POLR3G: variants seen among roughly 807,000 people sequenced by gnomAD.
POLR3G encodes RNA polymerase III subunit G, also known as DNA-directed RNA polymerase III subunit RPC7.
POLR3G carries 28 observed loss-of-function variants against 30.1 expected under a neutral mutation model. That is an observed-to-expected ratio of 0.93 (90% CI 0.69 to 1.27). The LOEUF (loss-of-function observed/expected upper bound fraction) is 1.27, where lower values mean the gene tolerates loss of function less well. Among genes scored for constraint, POLR3G ranks in the 50% most tolerant of loss-of-function variants. The probability of loss-of-function intolerance (pLI) is 0.00; values close to 1 mark genes in which losing one functional copy is unlikely to be tolerated. For synonymous variants in POLR3G, 79 were observed against 82.5 expected (o/e 0.96, Z 0.23); for missense variants, 254 against 264.6 (o/e 0.96, Z 0.28).
intron 2 of POLR3G, among the ~76,000 whole-genome samples, chr5:90,486,366 A>G (rs1454081981): frequency 6.6e-6 from 1 of 152,206 alleles, no homozygotes; most frequent in Non-Finnish European, 1.5e-5. Flanking sequence ...TTTAAAAACA[A>G]GCTCTTTTCC....
At chr5:90,476,813 C>T (rs1023078245) in intron 1 of POLR3G, among the ~76,000 whole-genome samples, 3 of 152,196 alleles carry the variant, frequency 2.0e-5, no homozygotes, top group Non-Finnish European at 2.9e-5. Flanking sequence ...GGCTTATGCT[C>T]AGGTATCACC....
At chr5:90,475,490 T>TTA (rs1399873377) in intron 1 of POLR3G, among the ~76,000 whole-genome samples, 2 of 19,282 alleles carry the variant, frequency 1.0e-4, no homozygotes, top group Non-Finnish European at 2.1e-4. Flanking sequence ...TTTATTATTA[T>TTA]TTATTTATTT....
At chr5:90,473,935 G>A, upstream of POLR3G, 6 of 1,604,922 alleles carry the variant, frequency 3.7e-6, no homozygotes, top group South Asian at 1.1e-5. Flanking sequence ...CTATCGGAAA[G>A]CCAGGTCACG....
chr5:90,501,950 CCACT>C lies in POLR3G; in HGVS notation c.405_408del (p.Thr136IlefsTer6). 1.2e-6 allele frequency: 2 copies of C among 1,613,472 alleles called. No individual in the cohort carries two copies. Among genetic ancestry groups the C allele is most frequent in the Non-Finnish European group, 1.7e-6 (2 of 1,179,626 alleles). On this transcript the variant is annotated frameshift_variant, in exon 6 of 8. Transcript: ENST00000651687. LOFTEE classifies it high-confidence loss of function. ...GGCAAAAGACGCAGGCAAAGGCACA[CCACT>C]CACTAATACTGAAGATGTGTTGAAA...
At chr5:90,485,310 G>C (rs1414747569) in intron 1 of POLR3G, among the ~76,000 whole-genome samples, 1 of 152,178 alleles carries the variant, frequency 6.6e-6, no homozygotes, top group Non-Finnish European at 1.5e-5. Context: ...GCAGTAGTGG[G>C]TGAGGGGGTT....
intron 2 of POLR3G, among the ~76,000 whole-genome samples, chr5:90,487,547 A>G (rs1377799038): frequency 6.6e-6 from 1 of 151,702 alleles, no homozygotes; most frequent in African/African-American, 2.4e-5. Context: ...GCCCGCCACC[A>G]TGCCCGGCTA....
At chr5:90,491,055 A>G (rs1254831619) in intron 3 of POLR3G, among the ~76,000 whole-genome samples, 2 of 152,148 alleles carry the variant, frequency 1.3e-5, no homozygotes, top group Non-Finnish European at 2.9e-5. Context: ...ATAGGGTGAG[A>G]GATCTCAAGA....
intron 7 of POLR3G, 81 bp downstream of exon 7, chr5:90,506,755 C>G (rs1292568827): frequency 7.1e-7 from 1 of 1,401,322 alleles, no homozygotes; most frequent in East Asian, 2.5e-5. Flanking sequence ...GTATTGAAAT[C>G]AATAAACAGA....
intron 1 of POLR3G, among the ~76,000 whole-genome samples, chr5:90,480,627 C>T (rs1751078082): frequency 6.6e-6 from 1 of 152,148 alleles, no homozygotes; most frequent in South Asian, 2.1e-4. Flanking sequence ...GGCCCACCTC[C>T]AAAGATTCTG....
At chr5:90,474,070 G>C (rs751304644), upstream of POLR3G, 26 of 1,576,304 alleles carry the variant, frequency 1.6e-5, no homozygotes, top group Non-Finnish European at 2.2e-5. Context: ...AGCAGTGGCC[G>C]GCGCGCCGCG....
intron 1 of POLR3G, among the ~76,000 whole-genome samples, chr5:90,485,196 C>T (rs887947607): frequency 6.6e-6 from 1 of 152,190 alleles, no homozygotes; most frequent in African/African-American, 2.4e-5. Context: ...TTCTTCTCCT[C>T]ATCAGCCTGG....
chr5:90,507,999 C>G (rs1353078116), intron 7 of POLR3G, among the ~76,000 whole-genome samples: 1 of 152,140 alleles, frequency 6.6e-6, no homozygotes, highest in Non-Finnish European at 1.5e-5. Context: ...ACACACTAGA[C>G]CAAAGCCAAC....
At chr5:90,501,760 T>C (rs893585727) in intron 5 of POLR3G, 146 bp from the exon 6 acceptor site, 9 of 863,710 alleles carry the variant, frequency 1.0e-5, no homozygotes, top group Non-Finnish European at 1.5e-5. Flanking sequence ...GATTTGTTTA[T>C]TCTTTGAGAA....
Position 90,485,660 on chromosome 5 carries a change from G to A in POLR3G, c.93G>A (p.Val31=). 1 of 1,613,456 alleles carries A rather than the reference G, an allele frequency of 6.2e-7. No homozygotes were observed. The highest frequency in any genetic ancestry group is 8.5e-7 in the Non-Finnish European group (1 of 1,179,546). ...FSKGEKLPDV[V]LKPPPLFPDT... is the part of the protein sequence containing the mutation. Reference sequence around the variant, plus strand: ...AAGGTGAAAAGTTACCTGATGTAGTGTTGAAACCACCCCCACTATTTCCTG... The same window carrying A: ...AAGGTGAAAAGTTACCTGATGTAGTATTGAAACCACCCCCACTATTTCCTG... Residue 31 remains valine (V), a synonymous_variant, in exon 2 of 8, where the codon GTG becomes GTA. Coordinates refer to ENST00000651687, the MANE Select transcript of POLR3G (RefSeq NM_006467.3).
intron 1 of POLR3G, among the ~76,000 whole-genome samples, chr5:90,479,200 G>A (rs790080): frequency 6.6e-5 from 10 of 152,198 alleles, no homozygotes; most frequent in Admixed American, 4.6e-4. Flanking sequence ...AGCCAGGCGC[G>A]GTGGCTCATG....
intron 1 of POLR3G, among the ~76,000 whole-genome samples, chr5:90,481,914 G>A (rs971652238): frequency 6.6e-6 from 1 of 152,106 alleles, no homozygotes; most frequent in Admixed American, 6.6e-5. Flanking sequence ...ATAATCTGAA[G>A]CATGGGAGTA....
At chr5:90,502,109 C>A in intron 6 of POLR3G, 121 bp downstream of exon 6, 1 of 1,468,104 alleles carries the variant, frequency 6.8e-7, no homozygotes, top group Non-Finnish European at 9.0e-7. Context: ...TTGGCAGAAG[C>A]GAGCCCAACA....
intron 1 of POLR3G, among the ~76,000 whole-genome samples, chr5:90,484,890 A>G (rs1291594216): frequency 6.6e-6 from 1 of 152,254 alleles, no homozygotes; most frequent in African/African-American, 2.4e-5. Context: ...CAGTTCTCAT[A>G]GTATAATCAG....
At chr5:90,491,550 G>A (rs1168964067) in intron 3 of POLR3G, among the ~76,000 whole-genome samples, 2 of 151,206 alleles carry the variant, frequency 1.3e-5, no homozygotes, top group East Asian at 3.9e-4. Context: ...TTTTGGAGCA[G>A]TTCTTATTGT....
Sources: allele counts gnomAD v4.1 joint callset (sites outside exome capture counted in the v4.1 genomes callset), GRCh38; gene constraint gnomAD v4.1.1; transcripts MANE v1.5; gene names NCBI Gene and HGNC (gene_info 2026-07-23, HGNC 2026-07-21).